Variants in PADI6 observed in about 807,000 individuals in gnomAD.
PADI6 encodes inactive protein-arginine deiminase type-6.
Under a neutral mutation model 78.2 loss-of-function variants are expected in PADI6, and 66 were observed. That is an observed-to-expected ratio of 0.84 (90% confidence interval 0.69 to 1.04). The LOEUF is 1.04. Ranked by LOEUF, PADI6 falls within the 50% of genes least tolerant of loss-of-function variation. The pLI, the probability that PADI6 is intolerant of heterozygous loss-of-function variation, is 0.00. For missense variants in PADI6, 854 were observed against 866.1 expected, an observed-to-expected ratio of 0.99 and a Z score of 0.18; for synonymous variants, 397 against 346.9, an observed-to-expected ratio of 1.14 and a Z score of -1.60.
chr1:17,395,229 A>G, intron 12 of PADI6, 122 bp downstream of exon 12: 1 of 1,144,808 alleles, frequency 8.7e-7, no homozygotes, highest in South Asian at 1.6e-5. Flanking sequence ...GTTTTTTGAG[A>G]GTCTTGCTCT....
chr1:17,373,238 G>T lies in PADI6; in HGVS notation c.294+5G>T, dbSNP rs75680944. ...CCTTCCGTGGATGCGGATAAGGTAA[G>T]CCTCAGGGGAAGAGGTGAGGGGCAT... On this transcript the variant is annotated splice_donor_5th_base_variant and intron_variant, in intron 2 of 15. Transcript: ENST00000619609. The T allele has an allele frequency of 6.2e-7, 1 of 1,613,262 alleles. No individual in the cohort carries two copies. Among genetic ancestry groups the T allele is most frequent in the Non-Finnish European group, 8.5e-7 (1 of 1,179,314 alleles).
intron 3 of PADI6, 106 bp downstream of exon 3, chr1:17,375,605 G>A: frequency 2.0e-6 from 2 of 977,052 alleles, no homozygotes; most frequent in Non-Finnish European, 3.0e-6. Flanking sequence ...GTAACAAGAT[G>A]CCTCCTGTGG....
At chr1:17,392,675 A>G (rs2075199670) in intron 9 of PADI6, among the ~76,000 whole-genome samples, 2 of 152,264 alleles carry the variant, frequency 1.3e-5, no homozygotes, top group Non-Finnish European at 2.9e-5. Context: ...AAACTGGAAC[A>G]TATGCTGTCC....
At chr1:17,373,369 C>G in intron 2 of PADI6, 136 bp downstream of exon 2, 1 of 1,051,556 alleles carries the variant, frequency 9.5e-7, no homozygotes, top group Non-Finnish European at 1.4e-6. Flanking sequence ...CATCCAGTGT[C>G]TGCAACAGAC....
intron 14 of PADI6, among the ~76,000 whole-genome samples, chr1:17,397,835 G>T (rs7545115): frequency 0.38 from 57,307 of 151,922 alleles, 10,959 homozygotes; most frequent in African/African-American, 0.4. Context: ...GCTGCCTGGG[G>T]TCCATTTCCC....
chr1:17,399,928 C>T (rs1416139498), intron 15 of PADI6, among the ~76,000 whole-genome samples: 1 of 151,690 alleles, frequency 6.6e-6, no homozygotes, highest in Non-Finnish European at 1.5e-5. Flanking sequence ...CCCAGCTAAT[C>T]AGAGGCTGAA....
intron 3 of PADI6, among the ~76,000 whole-genome samples, chr1:17,376,050 C>G (rs888001420): frequency 3.0e-4 from 46 of 151,886 alleles, no homozygotes; most frequent in African/African-American, 1.1e-3. Flanking sequence ...TCTCGGCTCA[C>G]TGTAACCTCT....
chr1:17,389,293 C>T (rs1544067), intron 8 of PADI6, among the ~76,000 whole-genome samples: 8 of 152,040 alleles, frequency 5.3e-5, no homozygotes, highest in East Asian at 1.9e-4. Context: ...CTGGGTGTTA[C>T]GGTGAGGTAG....
At chr1:17,385,129 G>T (rs1207942622) in intron 6 of PADI6, among the ~76,000 whole-genome samples, 1 of 152,210 alleles carries the variant, frequency 6.6e-6, no homozygotes, top group Non-Finnish European at 1.5e-5. Context: ...GGAGGCCAAG[G>T]CAGGAGGATC....
chr1:17,398,297 G>C (rs1341593609), intron 14 of PADI6, among the ~76,000 whole-genome samples: 1 of 152,152 alleles, frequency 6.6e-6, no homozygotes, highest in Non-Finnish European at 1.5e-5. Context: ...CGACAGCTTA[G>C]GTGTGTTGGG....
Position 17,398,754 on chromosome 1 carries a change from G to C in PADI6, c.1758G>C (p.Glu586Asp). 1 of 1,607,256 alleles carries C rather than the reference G, an allele frequency of 6.2e-7. No homozygotes were observed. The highest frequency in any genetic ancestry group is 8.5e-7 in the Non-Finnish European group (1 of 1,177,758). The stretch of plus-strand genomic sequence containing the variant: ...GCCTGGTGGAACAGGACATCATCGA[G>C]ATTCCCCAGCTGTTCTGCTTGGAGA... Reference protein sequence around the residue: ...ELGLVEQDIIEIPQLFCLEKL... With the variant: ...ELGLVEQDIIDIPQLFCLEKL... The change falls in exon 15 of 16, where the codon GAG (glutamate) becomes GAC (aspartate). Residue 586 changes from glutamate (E) to aspartate (D), a missense_variant. Physicochemically the swap from Glu to Asp is conservative, Grantham distance 45. Coordinates refer to ENST00000619609, the MANE Select transcript of PADI6 (RefSeq NM_207421.4).
chr1:17,382,355 C>A (rs916012057), intron 6 of PADI6, among the ~76,000 whole-genome samples: 3 of 152,234 alleles, frequency 2.0e-5, no homozygotes, highest in Non-Finnish European at 4.4e-5. Context: ...TGTGCCTTCC[C>A]TGCAGGCTAG....
chr1:17,375,731 G>A (rs79618740), intron 3 of PADI6, among the ~76,000 whole-genome samples: 2,423 of 152,188 alleles, frequency 0.016, 73 homozygotes, highest in African/African-American at 0.055. Context: ...ACCTAATTCT[G>A]AGAATAGAAA....
At chr1:17,380,144 G>A (rs947910454) in intron 4 of PADI6, among the ~76,000 whole-genome samples, 157 bp downstream of exon 4, 21 of 152,180 alleles carry the variant, frequency 1.4e-4, no homozygotes, top group Non-Finnish European at 2.4e-4. Context: ...AACTGTCACG[G>A]TACAAGTCAG....
chr1:17,393,445 C>A (rs1016217701), intron 9 of PADI6, among the ~76,000 whole-genome samples: 3 of 151,874 alleles, frequency 2.0e-5, no homozygotes, highest in African/African-American at 7.3e-5. Flanking sequence ...TGAGTGGCAC[C>A]AGCGCAGAGC....
At chr1:17,391,893 C>G (rs116469050) in intron 8 of PADI6, among the ~76,000 whole-genome samples, 1 of 152,244 alleles carries the variant, frequency 6.6e-6, no homozygotes, top group Non-Finnish European at 1.5e-5. Context: ...CACTTCCCAA[C>G]CTGGCTCTGC....
At chr1:17,396,153 A>G (rs1489611403) in intron 13 of PADI6, among the ~76,000 whole-genome samples, 2 of 152,182 alleles carry the variant, frequency 1.3e-5, no homozygotes, top group African/African-American at 2.4e-5. Context: ...TGGGAGGCTG[A>G]GGCGGGCAGA....
Position 17,395,209 on chromosome 1 carries a change from T to A in PADI6, c.1494+102T>A. ...AACTGGCTTTTTCTTGTTTTTTTTT[T>A]TTTTTGTTTGTTTTTTGAGAGTCTT... is the stretch of plus-strand genomic sequence containing the variant. On this transcript the variant is annotated intron_variant, in intron 12 of 15. Transcript: ENST00000619609. 3 of 1,394,968 alleles carry A rather than the reference T, an allele frequency of 2.2e-6. No homozygotes were observed. The South Asian group carries it at 4.3e-5, about 20-fold the overall frequency. The allele number at this position is 1,394,968 out of a possible 1,614,324, so 86.4% of individuals were successfully genotyped here. A position where few individuals can be genotyped will look rare whatever the true frequency, so the allele number is the denominator to read the frequency against.
At chr1:17,391,549 C>T (rs934038821) in intron 8 of PADI6, among the ~76,000 whole-genome samples, 1 of 152,254 alleles carries the variant, frequency 6.6e-6, no homozygotes, top group Non-Finnish European at 1.5e-5. Context: ...CAGCCTCACA[C>T]ACTGCTGTTT....
Sources: gnomAD v4.1 joint callset for allele counts (sites outside exome capture counted in the v4.1 genomes callset) on GRCh38, gnomAD v4.1.1 for gene constraint, MANE v1.5 for transcripts, NCBI Gene and HGNC (gene_info 2026-07-23, HGNC 2026-07-21) for gene names.